Variants in NOP14 observed in about 807,000 individuals in gnomAD.
The protein encoded by NOP14 is nucleolar protein 14.
NOP14 carries 57 observed loss-of-function variants against 101.6 expected under a neutral mutation model. The observed-to-expected ratio is 0.56, with a 90% CI of 0.45 to 0.70. NOP14 has a LOEUF of 0.70. NOP14 is among the 30% of genes least tolerant of loss of function. The pLI, the probability that NOP14 is intolerant of heterozygous loss-of-function variation, is 0.00. For missense variants in NOP14, 1,134 were observed against 1,075.5 expected, an observed-to-expected ratio of 1.05 and a Z score of -0.76; for synonymous variants, 428 against 424.0, an observed-to-expected ratio of 1.01 and a Z score of -0.12.
intron 6 of NOP14, 72 bp downstream of exon 6, chr4:2,952,203 C>A: frequency 1.3e-6 from 2 of 1,549,238 alleles, no homozygotes; most frequent in Non-Finnish European, 1.8e-6. Flanking sequence ...TCAGCCCATC[C>A]TGCAAAATGG....
chr4:2,949,919 C>T lies in NOP14; in HGVS notation c.1282+15G>A, dbSNP rs776671236. Reference sequence around the variant, plus strand: ...GGTTATCCCAGAACCTGAGGAAACCCGCGCACTTGCCCACCTGCGAACGTG... The same window carrying T: ...GGTTATCCCAGAACCTGAGGAAACCTGCGCACTTGCCCACCTGCGAACGTG... On this transcript the variant is annotated intron_variant, in intron 8 of 17. Transcript: ENST00000416614. 36 of 1,613,716 alleles carry T rather than the reference C, an allele frequency of 2.2e-5. No homozygotes were observed. In the Admixed American group the frequency reaches 2.3e-4, roughly 10 times the overall value.
chr4:2,954,975 T>TACCACGGCGCCCCCTCTAGTCACCTGG (rs1365284759), intron 3 of NOP14, among the ~76,000 whole-genome samples: 1 of 149,578 alleles, frequency 6.7e-6, no homozygotes, highest in Non-Finnish European at 1.5e-5. Flanking sequence ...TAGTCACCTG[T>TACCACGGCGCCCCCTCTAGTCACCTGG]ACCACGGCGC....
In NOP14 at chr4:2,939,324, G is replaced by C; in HGVS notation, c.2338C>G (p.Gln780Glu). The C allele has an allele frequency of 6.2e-7, 1 of 1,614,008 alleles. No homozygotes were observed. Among genetic ancestry groups the C allele is most frequent in the Non-Finnish European group, 8.5e-7 (1 of 1,180,020 alleles). ...TCCTGTTCCTCCTTACTACTGCCTT[G>C]TTTTCTTCCAAACTCGAGGCTACAA... ...LVKVLEFGRK[Q>E]GSSKEEQERK... is the part of the protein sequence containing the mutation. The change falls in exon 17 of 18, where the codon CAA becomes GAA. Residue 780 changes from glutamine (Q) to glutamate (E), a missense_variant. Coordinates refer to ENST00000416614, the MANE Select transcript of NOP14 (RefSeq NM_001291978.2).
In NOP14 at chr4:2,939,232, G is replaced by A. The variant is rs1471307729; in HGVS notation, c.2430C>T (p.Asp810=). The A allele has an allele frequency of 1.2e-6, 2 of 1,613,888 alleles. No individual in the cohort carries two copies. Among genetic ancestry groups the A allele is most frequent in the Non-Finnish European group, 1.7e-6 (2 of 1,180,054 alleles). ...GTTGCATCCTCGCCAGGAACTGATT[G>A]TCCTTGCGGATTTCTCGAACGGCCC... ...FKGAVREIRK[D]NQFLARMQLS... The change falls in exon 17 of 18, where the codon GAC becomes GAT. Residue 810 remains aspartate, a synonymous_variant. Transcript: ENST00000416614.
rs542916879 is a variant in NOP14 at position 2,951,303 on chromosome 4, G to C, written c.871-58C>G. 6.0e-5 allele frequency: 93 copies of C among 1,562,670 alleles called. No homozygotes were observed. The East Asian group carries it at 1.9e-3, about 32-fold the overall frequency. On this transcript the variant is annotated intron_variant, in intron 6 of 17. Transcript: ENST00000416614. ...CACTCTTCCAACATATGGTGAGGGG[G>C]CCGTGCAGTCCTGCCCTGGGCAGCG...
intron 15 of NOP14, among the ~76,000 whole-genome samples, chr4:2,940,140 C>T (rs922698707): frequency 7.9e-5 from 12 of 152,224 alleles, no homozygotes; most frequent in Admixed American, 6.5e-4. Context: ...GGGTTTCCAC[C>T]AGTCTTGGCA....
intron 13 of NOP14, among the ~76,000 whole-genome samples, chr4:2,942,901 C>T (rs1714324462): frequency 6.6e-6 from 1 of 152,104 alleles, no homozygotes; most frequent in Admixed American, 6.5e-5. Context: ...GGTGTGGCTA[C>T]ACGGGGAGGG....
At chr4:2,952,962 T>C (rs1210081674) in intron 5 of NOP14, among the ~76,000 whole-genome samples, 1 of 152,186 alleles carries the variant, frequency 6.6e-6, no homozygotes, top group African/African-American at 2.4e-5. Context: ...AAAACGCTAC[T>C]TATCCAGGCA....
chr4:2,941,480 C>T (rs1195730483), intron 15 of NOP14, 102 bp downstream of exon 15: 2 of 1,100,002 alleles, frequency 1.8e-6, no homozygotes, highest in African/African-American at 1.6e-5. Flanking sequence ...ATGGTGTTGA[C>T]TTACAGCTGC....
In NOP14 at chr4:2,950,017, C is replaced by T; in HGVS notation, c.1199G>A (p.Arg400Lys). The change falls in exon 8 of 18, where the codon AGG (arginine) becomes AAG (lysine). Residue 400 changes from arginine (R) to lysine (K), a missense_variant. Arg to Lys is a conservative substitution (Grantham distance 26, BLOSUM62 2). Coordinates refer to ENST00000416614, the MANE Select transcript of NOP14 (RefSeq NM_001291978.2). ...EENEKPAKEQ[R>K]QTPGKGLISG... ...TATCAACCCTTTCCCAGGAGTCTGC[C>T]TCTGCTCTTTTGCTGGCTTCTCGTT... 2.5e-6 allele frequency: 4 copies of T among 1,614,186 alleles called. No homozygotes were observed. The highest frequency in any genetic ancestry group is 3.4e-6 in the Non-Finnish European group (4 of 1,180,042).
chr4:2,942,162 C>G, intron 14 of NOP14, 30 bp downstream of exon 14: 1 of 1,603,054 alleles, frequency 6.2e-7, no homozygotes, highest in Non-Finnish European at 8.5e-7. Flanking sequence ...CTGTAGGGCA[C>G]AGGCCCCAAA....
Position 2,938,658 on chromosome 4 carries a change from A to G in NOP14, c.*173T>C. The G allele has an allele frequency of 3.4e-6, 2 of 596,622 alleles. No homozygotes were observed. Among genetic ancestry groups the G allele is most frequent in the Non-Finnish European group, 5.9e-6 (2 of 339,234 alleles). The allele number at this position is 596,622 out of a possible 1,614,324, so 37.0% of individuals were successfully genotyped here. ...GTAGTTGGGACTACAGGTGCGTGCC[A>G]CCACACTTGGCTAATTTTTATGTTT... On this transcript the variant is annotated 3_prime_UTR_variant, in exon 18 of 18. Coordinates refer to ENST00000416614, the MANE Select transcript of NOP14 (RefSeq NM_001291978.2).
chr4:2,962,063 C>G (rs1045758555), intron 1 of NOP14, among the ~76,000 whole-genome samples: 10 of 152,226 alleles, frequency 6.6e-5, no homozygotes, highest in African/African-American at 2.4e-4. Flanking sequence ...AACAGCCAGA[C>G]TGTGCGGGAC....
At chr4:2,941,289 C>G (rs1294539016) in intron 15 of NOP14, 3 of 396,846 alleles carry the variant, frequency 7.6e-6, no homozygotes, top group African/African-American at 6.3e-5. Context: ...CCAGGCCTGG[C>G]AGGGGCTGAC....
chr4:2,946,899 A>G, intron 10 of NOP14: 1 of 297,386 alleles, frequency 3.4e-6, no homozygotes, highest in South Asian at 3.5e-5. Flanking sequence ...GCCTCCATGC[A>G]TGCAGAAGAT....
chr4:2,949,914 A>G lies in NOP14; in HGVS notation c.1282+20T>C. 6.2e-7 allele frequency: 1 copy of G among 1,613,572 alleles called. No individual in the cohort carries two copies. Among genetic ancestry groups the G allele is most frequent in the Non-Finnish European group, 8.5e-7 (1 of 1,179,588 alleles). Reference sequence around the variant, plus strand: ...ATAAAGGTTATCCCAGAACCTGAGGAAACCCGCGCACTTGCCCACCTGCGA... The same window carrying G: ...ATAAAGGTTATCCCAGAACCTGAGGGAACCCGCGCACTTGCCCACCTGCGA... On this transcript the variant is annotated intron_variant, in intron 8 of 17. Coordinates refer to ENST00000416614, the MANE Select transcript of NOP14 (RefSeq NM_001291978.2).
At chr4:2,952,228 T>C in intron 6 of NOP14, 47 bp downstream of exon 6, 1 of 1,601,786 alleles carries the variant, frequency 6.2e-7, no homozygotes, top group Non-Finnish European at 8.5e-7. Context: ...GAAGGGGCTG[T>C]GGACGGACAG....
At position 2,938,826 on chromosome 4, in the gene NOP14, G is replaced by A. The variant is rs1713892861; in HGVS notation, c.*5C>T. The A allele has an allele frequency of 2.5e-6, 4 of 1,607,496 alleles. No homozygotes were observed. The highest frequency in any genetic ancestry group is 4.5e-5 in the East Asian group (2 of 44,864). The stretch of plus-strand genomic sequence containing the variant: ...CAGTTCCTTGCCTTATTTATAAAAT[G>A]TAATTTATTTTTTGAACTTTTTCCT... On this transcript the variant is annotated 3_prime_UTR_variant, in exon 18 of 18. Transcript: ENST00000416614.
intron 12 of NOP14, among the ~76,000 whole-genome samples, chr4:2,944,729 TC>T (rs1301086667): frequency 3.9e-5 from 6 of 152,210 alleles, no homozygotes; most frequent in Non-Finnish European, 8.8e-5. Context: ...ATTATAAAGT[TC>T]CTTCCACCCA....
Sources: gnomAD v4.1 joint callset for allele counts (sites outside exome capture counted in the v4.1 genomes callset) on GRCh38, gnomAD v4.1.1 for gene constraint, MANE v1.5 for transcripts, NCBI Gene and HGNC (gene_info 2026-07-23, HGNC 2026-07-21) for gene names.